Variants in DENND1A observed in about 807,000 individuals in gnomAD.
DENND1A encodes the protein DENN domain-containing protein 1A.
Under a neutral mutation model 113.7 loss-of-function variants are expected in DENND1A, and 51 were observed. The ratio of observed to expected loss-of-function variants is 0.45; its 90% confidence interval spans 0.36 to 0.57. DENND1A has a LOEUF of 0.57. Ranked by LOEUF, DENND1A falls within the 20% of genes least tolerant of loss-of-function variation. The pLI, the probability that DENND1A is intolerant of heterozygous loss-of-function variation, is 0.00. For missense variants in DENND1A, 1,258 were observed against 1,395.9 expected (o/e 0.90, Z 1.57); for synonymous variants, 565 against 570.8 (o/e 0.99, Z 0.14).
chr9:123,837,627 T>C (rs1841230956), intron 2 of DENND1A, among the ~76,000 whole-genome samples: 1 of 152,178 alleles, frequency 6.6e-6, no homozygotes, highest in Non-Finnish European at 1.5e-5. Flanking sequence ...TGTTCAACAC[T>C]ATATAAAGAA....
intron 13 of DENND1A, among the ~76,000 whole-genome samples, chr9:123,529,549 C>G (rs929100577): frequency 6.6e-6 from 1 of 151,936 alleles, no homozygotes; most frequent in African/African-American, 2.4e-5. Flanking sequence ...CCTCAGTAAA[C>G]AGTCTATTTA....
At chr9:123,857,036 G>A (rs145221913) in intron 2 of DENND1A, among the ~76,000 whole-genome samples, 249 of 151,696 alleles carry the variant, frequency 1.6e-3, no homozygotes, top group African/African-American at 5.8e-3. Flanking sequence ...ACATATAGAT[G>A]TACTCTCTGA....
intron 21 of DENND1A, among the ~76,000 whole-genome samples, chr9:123,395,084 A>T (rs945781115): frequency 2.6e-5 from 4 of 152,156 alleles, no homozygotes; most frequent in African/African-American, 9.7e-5. Context: ...TGGGCACAAA[A>T]CAGGCAGTTG....
chr9:123,421,874 C>G (rs7044611), intron 19 of DENND1A, among the ~76,000 whole-genome samples: 3,248 of 152,306 alleles, frequency 0.021, 119 homozygotes, highest in African/African-American at 0.075. Context: ...CCATTCAAGA[C>G]CTGGCCCTGC....
chr9:123,729,996 C>A (rs1190188217), intron 5 of DENND1A, among the ~76,000 whole-genome samples: 1 of 152,116 alleles, frequency 6.6e-6, no homozygotes, highest in Admixed American at 6.6e-5. Flanking sequence ...CTGAGAAAAA[C>A]AAGCAATGGG....
chr9:123,724,709 G>C (rs1465814616), intron 5 of DENND1A, among the ~76,000 whole-genome samples: 4 of 152,100 alleles, frequency 2.6e-5, no homozygotes, highest in African/African-American at 9.7e-5. Flanking sequence ...TCTGAGCACA[G>C]GTCATCTTCC....
intron 1 of DENND1A, among the ~76,000 whole-genome samples, chr9:123,929,576 C>T (rs1458935698): frequency 1.3e-5 from 2 of 152,234 alleles, no homozygotes; most frequent in African/African-American, 4.8e-5. Context: ...ACTCCCCTTC[C>T]CCACAGTTGA....
intron 3 of DENND1A, among the ~76,000 whole-genome samples, chr9:123,782,249 G>A (rs904419777): frequency 3.3e-4 from 51 of 152,282 alleles, no homozygotes; most frequent in African/African-American, 1.1e-3. Context: ...CAGGTTGGAA[G>A]AGTGCTCTGA....
At chr9:123,782,432 A>G (rs1831464222) in intron 3 of DENND1A, among the ~76,000 whole-genome samples, 1 of 152,226 alleles carries the variant, frequency 6.6e-6, no homozygotes, top group Non-Finnish European at 1.5e-5. Context: ...TACCTAGCTT[A>G]AATTCTGAGC....
intron 5 of DENND1A, among the ~76,000 whole-genome samples, chr9:123,684,411 C>G (rs937280034): frequency 5.9e-5 from 9 of 152,180 alleles, no homozygotes; most frequent in African/African-American, 2.2e-4. Context: ...TTCCCTCTCC[C>G]TCCTAACTCG....
chr9:123,825,656 G>A (rs1283877010), intron 2 of DENND1A, among the ~76,000 whole-genome samples: 8 of 152,214 alleles, frequency 5.3e-5, no homozygotes, highest in Non-Finnish European at 1.2e-4. Context: ...GGGAGAAAAT[G>A]CATATCTTAA....
chr9:123,570,908 A>C (rs1176845702), intron 12 of DENND1A, among the ~76,000 whole-genome samples: 1 of 152,178 alleles, frequency 6.6e-6, no homozygotes, highest in African/African-American at 2.4e-5. Context: ...GCTTGAGATA[A>C]ACATGAAGTC....
intron 9 of DENND1A, among the ~76,000 whole-genome samples, chr9:123,631,777 G>A (rs974234666): frequency 6.6e-6 from 1 of 151,934 alleles, no homozygotes; most frequent in African/African-American, 2.4e-5. Context: ...TTGAGAGCTA[G>A]AGACATCATA....
chr9:123,567,524 C>T (rs1306181222), intron 12 of DENND1A, among the ~76,000 whole-genome samples: 2 of 152,128 alleles, frequency 1.3e-5, no homozygotes, highest in South Asian at 2.1e-4. Flanking sequence ...TGAACCAGAA[C>T]ATTAATGCCT....
At chr9:123,503,538 C>T (rs1303550379) in intron 13 of DENND1A, among the ~76,000 whole-genome samples, 1 of 152,186 alleles carries the variant, frequency 6.6e-6, no homozygotes, top group Non-Finnish European at 1.5e-5. Context: ...AGCATCTGGC[C>T]AGTCTTGAGC....
At chr9:123,792,438 G>A (rs953078287) in intron 3 of DENND1A, 149 bp downstream of exon 3, 13 of 763,606 alleles carry the variant, frequency 1.7e-5, no homozygotes, top group East Asian at 8.5e-5. Flanking sequence ...ACTTCAATAC[G>A]TTTTACTTTT....
chr9:123,830,496 C>A (rs1291173505), intron 2 of DENND1A, among the ~76,000 whole-genome samples: 2 of 151,676 alleles, frequency 1.3e-5, no homozygotes, highest in African/African-American at 4.8e-5. Flanking sequence ...ATAAATCAAT[C>A]AAAAAACTCA....
At chr9:123,882,051 T>C (rs1848386489) in intron 1 of DENND1A, among the ~76,000 whole-genome samples, 1 of 152,128 alleles carries the variant, frequency 6.6e-6, no homozygotes, top group Non-Finnish European at 1.5e-5. Flanking sequence ...CCTTCTCAGG[T>C]TAGCTCTCCT....
chr9:123,437,780 G>T (rs925552692), intron 19 of DENND1A: 2 of 152,080 alleles, frequency 1.3e-5, no homozygotes, highest in African/African-American at 4.8e-5. Flanking sequence ...TGGGGCTAAT[G>T]GTCCCTTCCT....
Sources: allele counts gnomAD v4.1 joint callset (sites outside exome capture counted in the v4.1 genomes callset), GRCh38; gene constraint gnomAD v4.1.1; transcripts MANE v1.5; gene names NCBI Gene and HGNC (gene_info 2026-07-23, HGNC 2026-07-21).